Variants in CNTNAP2 observed in about 807,000 individuals in gnomAD.
CNTNAP2 encodes the protein contactin-associated protein-like 2.
A neutral mutation model predicts 155.2 loss-of-function variants in CNTNAP2; 98 were observed. The observed-to-expected ratio is 0.63, with a 90% CI of 0.54 to 0.75. CNTNAP2 has a LOEUF of 0.75. Among genes scored for constraint, CNTNAP2 ranks in the 30% least tolerant of loss-of-function variants. The pLI, the probability that CNTNAP2 is intolerant of heterozygous loss-of-function variation, is 0.00. For missense variants in CNTNAP2, 1,727 were observed against 1,688.1 expected (o/e 1.02, Z -0.40); for synonymous variants, 651 against 631.2 (o/e 1.03, Z -0.47).
chr7:147,419,540 G>A (rs975875197), intron 10 of CNTNAP2, among the ~76,000 whole-genome samples: 4 of 151,992 alleles, frequency 2.6e-5, no homozygotes, highest in African/African-American at 9.7e-5. Flanking sequence ...TTTATAAATT[G>A]CCTCTTTACA....
intron 14 of CNTNAP2, among the ~76,000 whole-genome samples, chr7:147,970,428 G>C (rs1801313494): frequency 6.6e-6 from 1 of 152,066 alleles, no homozygotes; most frequent in African/African-American, 2.4e-5. Flanking sequence ...AGGCAGAAAA[G>C]GTGGAGAAAA....
chr7:146,813,046 A>G (rs879259423), intron 2 of CNTNAP2, among the ~76,000 whole-genome samples: 2 of 152,208 alleles, frequency 1.3e-5, no homozygotes, highest in Non-Finnish European at 2.9e-5. Context: ...GATGTGTGGA[A>G]ATGCCTGGAT....
intron 21 of CNTNAP2, among the ~76,000 whole-genome samples, chr7:148,365,803 T>TATGC (rs1798740488): frequency 1.8e-5 from 1 of 55,316 alleles, no homozygotes; most frequent in African/African-American, 5.4e-5. Flanking sequence ...TACATGCATG[T>TATGC]GTATGCATGT....
At chr7:147,095,488 TAGC>T (rs1380613638) in intron 4 of CNTNAP2, among the ~76,000 whole-genome samples, 25 of 151,642 alleles carry the variant, frequency 1.6e-4, no homozygotes, top group African/African-American at 6.0e-4. Flanking sequence ...ATTCAGAACA[TAGC>T]AGTTAATAAA....
chr7:147,211,762 A>T (rs1255133619), intron 8 of CNTNAP2, among the ~76,000 whole-genome samples: 1 of 152,116 alleles, frequency 6.6e-6, no homozygotes, highest in African/African-American at 2.4e-5. Flanking sequence ...ATTATAACTA[A>T]GTCCTCAAAC....
chr7:146,630,020 T>C (rs897556779), intron 1 of CNTNAP2, among the ~76,000 whole-genome samples: 10 of 151,986 alleles, frequency 6.6e-5, no homozygotes, highest in Non-Finnish European at 1.3e-4. Context: ...CTGGGGTACA[T>C]GTGCAGAATG....
chr7:146,361,335 G>A (rs1405309365), intron 1 of CNTNAP2, among the ~76,000 whole-genome samples: 1 of 152,160 alleles, frequency 6.6e-6, no homozygotes, highest in East Asian at 1.9e-4. Flanking sequence ...CTGGGCTTGA[G>A]TATGTGCAGA....
chr7:147,737,980 C>G (rs972082845), intron 13 of CNTNAP2, among the ~76,000 whole-genome samples: 1 of 152,216 alleles, frequency 6.6e-6, no homozygotes, highest in Non-Finnish European at 1.5e-5. Context: ...TGAGGCGATG[C>G]CTTGCCCTGC....
intron 3 of CNTNAP2, among the ~76,000 whole-genome samples, chr7:146,866,073 A>G (rs1047970515): frequency 5.3e-5 from 8 of 152,104 alleles, no homozygotes; most frequent in Non-Finnish European, 5.9e-5. Flanking sequence ...CATAATAACA[A>G]AATGTTTTAC....
chr7:146,482,417 ATATC>A (rs762983004), intron 1 of CNTNAP2, among the ~76,000 whole-genome samples: 1 of 146,420 alleles, frequency 6.8e-6, no homozygotes, highest in African/African-American at 2.6e-5. Context: ...ATATATATAT[ATATC>A]TGTGCATGTG....
At chr7:146,962,344 A>C (rs1490305190) in intron 3 of CNTNAP2, among the ~76,000 whole-genome samples, 1 of 152,216 alleles carries the variant, frequency 6.6e-6, no homozygotes, top group African/African-American at 2.4e-5. Context: ...GTTGCTGATC[A>C]ACCTGAGTTG....
chr7:147,222,150 A>G (rs972469459), intron 8 of CNTNAP2, among the ~76,000 whole-genome samples: 7 of 152,118 alleles, frequency 4.6e-5, no homozygotes, highest in African/African-American at 1.7e-4. Context: ...AATTTGAGAA[A>G]GTTCTCAGTC....
intron 8 of CNTNAP2, among the ~76,000 whole-genome samples, chr7:147,150,622 A>G (rs1231242112): frequency 6.6e-6 from 1 of 152,200 alleles, no homozygotes; most frequent in Non-Finnish European, 1.5e-5. Flanking sequence ...ATTTCACTAG[A>G]TAGAGAAAAC....
Position 148,419,004 on chromosome 7 carries a change from C to G in CNTNAP2, c.*3388C>G, listed in dbSNP as rs563675053. On this transcript the variant is annotated 3_prime_UTR_variant, in exon 24 of 24. Coordinates refer to ENST00000361727, the MANE Select transcript of CNTNAP2 (RefSeq NM_014141.6). Reference sequence around the variant, plus strand: ...GAAGCCATTGGAAGCACTTCAGGAACAAGCACACAGCTGTGGGACTTGAAC... The same window carrying G: ...GAAGCCATTGGAAGCACTTCAGGAAGAAGCACACAGCTGTGGGACTTGAAC... 2.0e-5 allele frequency: 3 copies of G among 152,376 alleles called. No individual in the cohort carries two copies. Among genetic ancestry groups the G allele is most frequent in the African/African-American group, 7.2e-5 (3 of 41,576 alleles). 9.4% of individuals were successfully genotyped at this position (152,376 alleles called of 1,614,324 possible).
chr7:146,824,567 A>C (rs565081499), intron 2 of CNTNAP2, among the ~76,000 whole-genome samples: 1 of 152,100 alleles, frequency 6.6e-6, no homozygotes, highest in African/African-American at 2.4e-5. Context: ...CTGACTTTTT[A>C]ATGATTGCCA....
intron 1 of CNTNAP2, among the ~76,000 whole-genome samples, chr7:146,686,871 T>C (rs1384671095): frequency 1.3e-5 from 2 of 152,152 alleles, no homozygotes; most frequent in Admixed American, 1.3e-4. Context: ...TGTCGTAACA[T>C]AGGGATGCAT....
intron 3 of CNTNAP2, among the ~76,000 whole-genome samples, chr7:147,042,106 G>A (rs994857765): frequency 1.3e-5 from 2 of 152,134 alleles, no homozygotes; most frequent in Admixed American, 6.5e-5. Flanking sequence ...ATGCAATGAG[G>A]ATGCTCTATT....
chr7:146,714,507 AT>A (rs200005265), intron 1 of CNTNAP2, among the ~76,000 whole-genome samples: 2,236 of 152,252 alleles, frequency 0.015, 26 homozygotes, highest in Middle Eastern at 0.048. Context: ...GTGAGATGAT[AT>A]TTTTTTGTAA....
chr7:146,455,631 T>C (rs1796544533), intron 1 of CNTNAP2, among the ~76,000 whole-genome samples: 1 of 152,174 alleles, frequency 6.6e-6, no homozygotes, highest in Admixed American at 6.5e-5. Flanking sequence ...CATAGGGTCT[T>C]ATGTTGAAAG....
Sources: allele counts gnomAD v4.1 joint callset (sites outside exome capture counted in the v4.1 genomes callset), GRCh38; gene constraint gnomAD v4.1.1; transcripts MANE v1.5; gene names NCBI Gene and HGNC (gene_info 2026-07-23, HGNC 2026-07-21).